The following MAGI1 variants were observed in gnomAD, a reference collection of about 807,000 sequenced individuals.
The protein encoded by MAGI1 is membrane-associated guanylate kinase, WW and PDZ domain-containing protein 1.
Under a neutral mutation model 139.9 loss-of-function variants are expected in MAGI1, and 58 were observed. The observed-to-expected ratio is 0.41, with a 90% CI of 0.34 to 0.52. The LOEUF is 0.52. Among genes scored for constraint, MAGI1 ranks in the 20% least tolerant of loss-of-function variants. The pLI is 0.12. For synonymous variants in MAGI1, 812 were observed against 737.9 expected, an observed-to-expected ratio of 1.10 and a Z score of -1.63; for missense variants, 1,874 against 1,901.6, an observed-to-expected ratio of 0.99 and a Z score of 0.27.
At chr3:65,472,600 C>A (rs1007378498) in intron 4 of MAGI1, among the ~76,000 whole-genome samples, 1 of 152,170 alleles carries the variant, frequency 6.6e-6, no homozygotes, top group African/African-American at 2.4e-5. Flanking sequence ...ATCACCAGGA[C>A]CTCCAGCTCT....
chr3:65,637,552 CAAAAAAAGAAAGAAAGAAAG>C (rs1005813278), intron 1 of MAGI1, among the ~76,000 whole-genome samples: 2 of 87,860 alleles, frequency 2.3e-5, no homozygotes, highest in African/African-American at 9.3e-5. Context: ...ACCCTGTCTC[CAAAAAAAGAAAGAAAGAAAG>C]AAAGAAAGAA....
chr3:65,371,974 A>T (rs1380240478), intron 18 of MAGI1: 2 of 392,394 alleles, frequency 5.1e-6, no homozygotes, highest in Non-Finnish European at 1.0e-5. Flanking sequence ...AAAGTCATCC[A>T]TGAAGGTTGG....
chr3:65,743,091 C>T (rs1559840225), intron 1 of MAGI1, among the ~76,000 whole-genome samples: 1 of 152,132 alleles, frequency 6.6e-6, no homozygotes. Flanking sequence ...TTCCTGGATG[C>T]TAGATACGTC....
intron 1 of MAGI1, among the ~76,000 whole-genome samples, chr3:65,776,827 C>T (rs140972138): frequency 3.7e-4 from 56 of 152,308 alleles, no homozygotes; most frequent in African/African-American, 1.3e-3. Context: ...TCGATCTCTT[C>T]CATCAGACTT....
chr3:65,589,498 C>T lies in MAGI1; in HGVS notation c.430+32474G>A, dbSNP rs542315179. Among the ~76,000 whole-genome samples the T allele has an allele frequency of 6.2e-4, 95 of 152,284 alleles. 1 individual carries two copies. The highest frequency in any genetic ancestry group is 2.1e-3 in the African/African-American group (88 of 41,564). ...CTAAATATTTATTTATTGGGTATCT[C>T]CCCTGTCTTCCTTGCCTTAGCTTGG... is the stretch of plus-strand genomic sequence containing the variant. On this transcript the variant is annotated intron_variant, in intron 2 of 22. Transcript: ENST00000402939.
At chr3:65,878,147 T>G (rs1270138369) in intron 1 of MAGI1, among the ~76,000 whole-genome samples, 1 of 151,594 alleles carries the variant, frequency 6.6e-6, no homozygotes, top group Non-Finnish European at 1.5e-5. Flanking sequence ...AACACGGACA[T>G]CACAAAACCA....
chr3:65,891,358 T>C (rs929778866), intron 1 of MAGI1, among the ~76,000 whole-genome samples: 2 of 152,136 alleles, frequency 1.3e-5, no homozygotes, highest in Admixed American at 1.3e-4. Flanking sequence ...GAGCACCTAT[T>C]ACAAATCTGG....
chr3:65,453,908 C>A (rs897021139), intron 5 of MAGI1, among the ~76,000 whole-genome samples: 6 of 152,178 alleles, frequency 3.9e-5, no homozygotes, highest in African/African-American at 1.2e-4. Flanking sequence ...AATTACTCGT[C>A]ATAAATAGAA....
chr3:65,999,972 C>CTTTT (rs3048011), intron 1 of MAGI1, among the ~76,000 whole-genome samples: 11,131 of 113,128 alleles, frequency 0.098, 1,295 homozygotes, highest in African/African-American at 0.18. Flanking sequence ...TCCCCCCACG[C>CTTTT]TTTTTTTTTT....
At chr3:65,962,249 G>C (rs965869136) in intron 1 of MAGI1, among the ~76,000 whole-genome samples, 3 of 151,148 alleles carry the variant, frequency 2.0e-5, no homozygotes, top group Non-Finnish European at 4.4e-5. Context: ...CTCCTGAGTA[G>C]CTGGGACTAC....
chr3:65,791,724 T>TTGTG (rs745485774), intron 1 of MAGI1, among the ~76,000 whole-genome samples: 1 of 151,974 alleles, frequency 6.6e-6, no homozygotes, highest in African/African-American at 2.4e-5. Flanking sequence ...TTACTCTGTT[T>TTGTG]TGTGTGTGTG....
chr3:65,933,219 A>G (rs1164166302), intron 1 of MAGI1, among the ~76,000 whole-genome samples: 3 of 152,214 alleles, frequency 2.0e-5, no homozygotes, highest in Non-Finnish European at 4.4e-5. Flanking sequence ...GCCTAAAACA[A>G]TAAGCATTTA....
intron 14 of MAGI1, among the ~76,000 whole-genome samples, chr3:65,389,548 C>T (rs867542775): frequency 1.6e-4 from 24 of 152,098 alleles, no homozygotes; most frequent in South Asian, 8.3e-4. Context: ...GAGAGAAATG[C>T]GCGGGGAATG....
intron 1 of MAGI1, chr3:65,844,133 C>T (rs1002230550): frequency 2.3e-5 from 12 of 519,138 alleles, no homozygotes; most frequent in South Asian, 2.8e-5. Flanking sequence ...GACACTGGGT[C>T]GGTGGCCCAA....
intron 2 of MAGI1, among the ~76,000 whole-genome samples, chr3:65,505,507 T>C (rs1410165610): frequency 6.6e-6 from 1 of 151,718 alleles, no homozygotes; most frequent in East Asian, 1.9e-4. Flanking sequence ...TAGCCAGATA[T>C]AGTGGCACGT....
chr3:65,832,824 AT>A (rs1294763232), intron 1 of MAGI1, among the ~76,000 whole-genome samples: 2 of 152,176 alleles, frequency 1.3e-5, no homozygotes, highest in African/African-American at 4.8e-5. Flanking sequence ...ATAGCAAACC[AT>A]TATGGATACT....
intron 6 of MAGI1, among the ~76,000 whole-genome samples, chr3:65,450,818 A>G (rs1469096734): frequency 3.9e-5 from 6 of 152,216 alleles, no homozygotes; most frequent in Admixed American, 3.3e-4. Flanking sequence ...TACACCTCAT[A>G]TGTATGACCT....
At chr3:65,740,497 CTT>C (rs2035169380) in intron 1 of MAGI1, among the ~76,000 whole-genome samples, 1 of 152,198 alleles carries the variant, frequency 6.6e-6, no homozygotes, top group Non-Finnish European at 1.5e-5. Flanking sequence ...GCCATGCCTA[CTT>C]GCCTCTTCCA....
At chr3:65,599,834 G>A (rs1216651735) in intron 2 of MAGI1, among the ~76,000 whole-genome samples, 1 of 152,054 alleles carries the variant, frequency 6.6e-6, no homozygotes, top group Admixed American at 6.6e-5. Context: ...GGACCTGCCA[G>A]AAAAAAGCGA....
Sources: gnomAD v4.1 joint callset for allele counts (sites outside exome capture counted in the v4.1 genomes callset) on GRCh38, gnomAD v4.1.1 for gene constraint, MANE v1.5 for transcripts, NCBI Gene and HGNC (gene_info 2026-07-23, HGNC 2026-07-21) for gene names.